Variants in IQCJ observed in about 807,000 individuals in gnomAD.
IQCJ encodes the protein IQ motif containing J, also known as IQ domain-containing protein J.
A neutral mutation model predicts 11.0 loss-of-function variants in IQCJ; 9 were observed. The observed-to-expected ratio is 0.82, with a 90% confidence interval of 0.49 to 1.43. The LOEUF (loss-of-function observed/expected upper bound fraction) is 1.43. Ranked by LOEUF, IQCJ falls within the 40% of genes most tolerant of loss-of-function variation. The pLI is 0.00. For missense variants in IQCJ, 146 were observed against 133.2 expected, an observed-to-expected ratio of 1.10 and a Z score of -0.47; for synonymous variants, 55 against 51.3, an observed-to-expected ratio of 1.07 and a Z score of -0.31.
Position 159,200,104 on chromosome 3 carries a change from AATATAT to A in IQCJ, c.10-45728_10-45723del, listed in dbSNP as rs539820364. ...ATATGTATGTATGTGTTTATACATA[AATATAT>A]ATATATATATCACTTTGAACAATGC... On this transcript the variant is annotated intron_variant, in intron 1 of 3. Transcript: ENST00000397832. Among the ~76,000 whole-genome samples the A allele has an allele frequency of 1.7e-4, 20 of 116,956 alleles. 2 individuals are homozygous for A. The highest frequency in any genetic ancestry group is 7.6e-4 in the African/African-American group (20 of 26,370). The allele number at this position is 116,956 out of a possible 152,430, so 76.7% of individuals were successfully genotyped here. A position where few individuals can be genotyped will look rare whatever the true frequency, so the allele number is the denominator to read the frequency against.
At chr3:159,207,439 A>C (rs1314958919) in intron 1 of IQCJ, among the ~76,000 whole-genome samples, 1 of 152,192 alleles carries the variant, frequency 6.6e-6, no homozygotes, top group East Asian at 1.9e-4. Flanking sequence ...GCATTTCAAA[A>C]TGAAGAGCTA....
chr3:159,191,686 A>G (rs1723699299), intron 1 of IQCJ, among the ~76,000 whole-genome samples: 1 of 152,238 alleles, frequency 6.6e-6, no homozygotes, highest in South Asian at 2.1e-4. Flanking sequence ...GAGGAGCTAC[A>G]AAGTACTTTA....
At chr3:159,119,510 C>G (rs1443206664) in intron 1 of IQCJ, among the ~76,000 whole-genome samples, 3 of 152,034 alleles carry the variant, frequency 2.0e-5, no homozygotes, top group Non-Finnish European at 4.4e-5. Context: ...AAATTTCTTG[C>G]TTTTTCATAG....
At chr3:159,209,607 G>A (rs1052001644) in intron 1 of IQCJ, among the ~76,000 whole-genome samples, 4 of 152,168 alleles carry the variant, frequency 2.6e-5, no homozygotes, top group Non-Finnish European at 2.9e-5. Flanking sequence ...GGGCTCCAGA[G>A]GTCATGGGCA....
At chr3:159,113,277 T>A (rs1718745994) in intron 1 of IQCJ, among the ~76,000 whole-genome samples, 1 of 152,246 alleles carries the variant, frequency 6.6e-6, no homozygotes, top group Non-Finnish European at 1.5e-5. Flanking sequence ...TGAAGTCAAG[T>A]TTCTGACTTA....
intron 1 of IQCJ, among the ~76,000 whole-genome samples, chr3:159,177,002 C>T (rs535606045): frequency 7.9e-5 from 12 of 152,212 alleles, no homozygotes; most frequent in African/African-American, 1.4e-4. Flanking sequence ...CTAGGTAGTT[C>T]AGTAAAGCTG....
intron 1 of IQCJ, among the ~76,000 whole-genome samples, chr3:159,118,978 A>C (rs1226674223): frequency 2.6e-5 from 4 of 152,174 alleles, no homozygotes; most frequent in Admixed American, 2.6e-4. Flanking sequence ...AGGAGAGATG[A>C]ATTGCAGAAA....
intron 1 of IQCJ, among the ~76,000 whole-genome samples, chr3:159,139,272 T>C (rs1288976818): frequency 2.0e-5 from 3 of 152,176 alleles, no homozygotes; most frequent in African/African-American, 7.2e-5. Context: ...TAACAAAATT[T>C]AAAAGAAATG....
chr3:159,171,402 T>C (rs1284159889), intron 1 of IQCJ, among the ~76,000 whole-genome samples: 4 of 152,224 alleles, frequency 2.6e-5, no homozygotes, highest in Admixed American at 6.5e-5. Flanking sequence ...TGAGTGCTTC[T>C]CAGAGATTAG....
chr3:159,163,011 C>G (rs1383288638), intron 1 of IQCJ, among the ~76,000 whole-genome samples: 2 of 152,172 alleles, frequency 1.3e-5, no homozygotes, highest in Non-Finnish European at 2.9e-5. Context: ...GGAACTGGTA[C>G]CATTCCTTCT....
intron 1 of IQCJ, among the ~76,000 whole-genome samples, chr3:159,103,991 G>A (rs962430508): frequency 6.6e-6 from 1 of 152,240 alleles, no homozygotes; most frequent in Non-Finnish European, 1.5e-5. Context: ...GAGGCAGAGA[G>A]AGCCTTCATC....
chr3:159,241,302 G>A (rs779224663), intron 1 of IQCJ, among the ~76,000 whole-genome samples: 8 of 151,952 alleles, frequency 5.3e-5, no homozygotes, highest in Non-Finnish European at 4.4e-5. Flanking sequence ...CCAGCTACTC[G>A]GGAGGCTGAG....
At chr3:159,166,702 G>A (rs1722184792) in intron 1 of IQCJ, among the ~76,000 whole-genome samples, 1 of 152,108 alleles carries the variant, frequency 6.6e-6, no homozygotes, top group African/African-American at 2.4e-5. Context: ...GCTGGAGGAT[G>A]GTTTCCTCAG....
At position 159,252,800 on chromosome 3, in the gene IQCJ, G is replaced by T; in HGVS notation, c.148G>T (p.Val50Leu). 1 of 1,611,020 alleles carries T rather than the reference G, an allele frequency of 6.2e-7. No individual in the cohort carries two copies. The highest frequency in any genetic ancestry group is 8.5e-7 in the Non-Finnish European group (1 of 1,178,618). ...CAATCTACAGCCCTTGGAATCAAAG[G>T]TGAAAATGTAAGTTATTTCAAAGTA... ...PLNLQPLESKVKIIQRAWREY... is the reference protein window; with the variant it reads ...PLNLQPLESKLKIIQRAWREY... Residue 50 changes from valine to leucine, a missense_variant, in exon 3 of 4, where the codon GTG becomes TTG. Transcript: ENST00000397832.
intron 1 of IQCJ, among the ~76,000 whole-genome samples, chr3:159,085,069 C>T (rs984010679): frequency 2.0e-5 from 3 of 151,406 alleles, no homozygotes; most frequent in African/African-American, 7.3e-5. Context: ...CCTCCCCTCT[C>T]CCCCCACCCC....
At chr3:159,073,967 A>G (rs576174235) in intron 1 of IQCJ, among the ~76,000 whole-genome samples, 1 of 152,140 alleles carries the variant, frequency 6.6e-6, no homozygotes, top group Non-Finnish European at 1.5e-5. Context: ...AAGATTTCCC[A>G]TATGGAGGAA....
At chr3:159,201,946 A>C (rs765151860) in intron 1 of IQCJ, among the ~76,000 whole-genome samples, 2 of 152,166 alleles carry the variant, frequency 1.3e-5, no homozygotes, top group Non-Finnish European at 2.9e-5. Flanking sequence ...CCTGTTTTCC[A>C]ATGCACATAA....
chr3:159,083,580 C>A (rs1374164590), intron 1 of IQCJ, among the ~76,000 whole-genome samples: 1 of 152,072 alleles, frequency 6.6e-6, no homozygotes, highest in Non-Finnish European at 1.5e-5. Flanking sequence ...AATGTGCTTA[C>A]CATGCAACAG....
intron 1 of IQCJ, among the ~76,000 whole-genome samples, chr3:159,106,910 A>G (rs1421267693): frequency 2.0e-5 from 3 of 152,092 alleles, no homozygotes; most frequent in African/African-American, 7.2e-5. Context: ...ATGCTTTTTC[A>G]TTTGCTGTTT....
Sources: gnomAD v4.1 joint callset for allele counts (sites outside exome capture counted in the v4.1 genomes callset) on GRCh38, gnomAD v4.1.1 for gene constraint, MANE v1.5 for transcripts, NCBI Gene and HGNC (gene_info 2026-07-23, HGNC 2026-07-21) for gene names.